MED11: variants seen among roughly 807,000 people sequenced by gnomAD.
The protein encoded by MED11 is mediator complex subunit 11.
In MED11, 19 loss-of-function variants were observed where a neutral mutation model predicts 13.9. The observed-to-expected ratio is 1.36, with a 90% confidence interval of 0.95 to 2.00. The LOEUF is 2.00. MED11 is among the 30% of genes most tolerant of loss of function. MED11 has a pLI of 0.00. For missense variants in MED11, 134 were observed against 150.2 expected (o/e 0.89, Z 0.56); for synonymous variants, 67 against 62.1 (o/e 1.08, Z -0.37).
At position 4,733,302 on chromosome 17, in the gene MED11, AC is replaced by A; in HGVS notation, c.*118del. The A allele has an allele frequency of 7.5e-7, 1 of 1,331,376 alleles. No individual in the cohort carries two copies. 82.5% of individuals were successfully genotyped at this position (1,331,376 alleles called of 1,614,324 possible). On this transcript the variant is annotated 3_prime_UTR_variant, in exon 3 of 3. Coordinates refer to ENST00000293777, the MANE Select transcript of MED11 (RefSeq NM_001001683.4). Reference sequence around the variant, plus strand: ...ACCAACATACCCTGCTGGTCAAAGTACCCTAGGACAAAGGGGCAAATGGTGG... The same window carrying A: ...ACCAACATACCCTGCTGGTCAAAGTACCTAGGACAAAGGGGCAAATGGTGG...
intron 2 of MED11, chr17:4,732,798 G>T (rs769187668): frequency 1.3e-5 from 7 of 525,054 alleles, no homozygotes; most frequent in Non-Finnish European, 2.4e-5. Flanking sequence ...TCGTCGCAGG[G>T]ACCACTACCA....
chr17:4,731,853 T>G lies in MED11; in HGVS notation c.163T>G (p.Ser55Ala). 1 of 1,614,074 alleles carries G rather than the reference T, an allele frequency of 6.2e-7. No individual in the cohort carries two copies. The highest frequency in any genetic ancestry group is 8.5e-7 in the Non-Finnish European group (1 of 1,180,024). Residue 55 changes from serine to alanine, a missense_variant, in exon 2 of 3, where the codon TCA (serine) becomes GCA (alanine). Physicochemically the swap from Ser to Ala is moderately conservative, Grantham distance 99. Transcript: ENST00000293777. ...LDRQAAAFTA[S>A]VQHVEAELSA... ...CCGGCAGGCGGCGGCCTTCACCGCT[T>G]CAGTGCAACACGTGGAGGCGGAGCT... is the stretch of plus-strand genomic sequence containing the variant.
Position 4,733,167 on chromosome 17 carries a change from G to T in MED11, c.334G>T (p.Glu112Ter). The T allele has an allele frequency of 6.2e-7, 1 of 1,614,176 alleles. No homozygotes were observed. The highest frequency in any genetic ancestry group is 1.1e-5 in the South Asian group (1 of 91,060). ...GCTCAGTGATGTGGCTCGAACCTGT[G>T]AGCAGATGCTGGAGAACTAGGCCAG... The part of the protein sequence containing the change: ...LKLSDVARTC[E>*]QMLEN Residue 112 changes from glutamate to a stop codon, truncating the protein, a stop_gained, in exon 3 of 3, where the codon GAG becomes TAG. Transcript: ENST00000293777. LOFTEE classifies it high-confidence loss of function.
intron 2 of MED11, 135 bp from the exon 3 acceptor site, chr17:4,732,915 A>T: frequency 1.0e-6 from 1 of 981,552 alleles, no homozygotes. Flanking sequence ...AGATTAACAT[A>T]AGTTAAATGA....
intron 2 of MED11, 177 bp from the exon 3 acceptor site, chr17:4,732,873 A>G: frequency 1.5e-6 from 1 of 674,534 alleles, no homozygotes; most frequent in Admixed American, 2.9e-5. Flanking sequence ...CAACTCTAGG[A>G]AGTAGTTATT....
intron 2 of MED11, chr17:4,732,463 C>G (rs894698058): frequency 1.3e-5 from 2 of 152,930 alleles, no homozygotes; most frequent in Admixed American, 6.9e-5. Context: ...ACCGGTAACC[C>G]CAGCTACTTG....
At chr17:4,731,719 A>T in intron 1 of MED11, 57 bp from the exon 2 acceptor site, 2 of 1,607,642 alleles carry the variant, frequency 1.2e-6, no homozygotes, top group Non-Finnish European at 1.7e-6. Flanking sequence ...GGGCTGGCCT[A>T]GGGAGAGGCT....
intron 1 of MED11, 42 bp downstream of exon 1, chr17:4,731,616 G>A: frequency 6.2e-7 from 1 of 1,612,888 alleles, no homozygotes; most frequent in Non-Finnish European, 8.5e-7. Context: ...GCGAAAGCGT[G>A]ACCGGGCTGC....
intron 1 of MED11, 68 bp from the exon 2 acceptor site, chr17:4,731,708 G>A (rs1915983729): frequency 1.2e-6 from 2 of 1,606,144 alleles, no homozygotes; most frequent in Non-Finnish European, 1.7e-6. Context: ...GGGACTGAGA[G>A]GGGCTGGCCT....
chr17:4,731,755 G>T, intron 1 of MED11, 21 bp from the exon 2 acceptor site: 1 of 1,611,882 alleles, frequency 6.2e-7, no homozygotes, highest in Non-Finnish European at 8.5e-7. Context: ...GTGTGTCCCC[G>T]CCCTCTCTCC....
Position 4,733,210 on chromosome 17 carries a change from T to C in MED11, c.*23T>C, listed in dbSNP as rs932694148. On this transcript the variant is annotated 3_prime_UTR_variant, in exon 3 of 3. Coordinates refer to ENST00000293777, the MANE Select transcript of MED11 (RefSeq NM_001001683.4). ...TAGGCCAGGGAGATGGACCCAGAGC[T>C]GAGAGGGAGACCATCACCTGTGCCA... is the stretch of plus-strand genomic sequence containing the variant. 1.2e-6 allele frequency: 2 copies of C among 1,613,418 alleles called. No individual in the cohort carries two copies. Among genetic ancestry groups the C allele is most frequent in the African/African-American group, 1.3e-5 (1 of 74,880 alleles).
In MED11 at chr17:4,733,270, T is replaced by G. The variant is rs8123; in HGVS notation, c.*83T>G. On this transcript the variant is annotated 3_prime_UTR_variant, in exon 3 of 3. Coordinates refer to ENST00000293777, the MANE Select transcript of MED11 (RefSeq NM_001001683.4). ...ACCTGGGAACATGTAGGGTGGGGAG[T>G]ATGAGCACCAACATACCCTGCTGGT... 0.23 allele frequency: 350,643 copies of G among 1,536,186 alleles called. 40,850 individuals are homozygous for G. The highest frequency in any genetic ancestry group is 0.3 in the South Asian group (25,778 of 84,522).
In MED11 at chr17:4,733,405, C is replaced by G; in HGVS notation, c.*218C>G. 2.0e-6 allele frequency: 1 copy of G among 511,144 alleles called. No individual in the cohort carries two copies. The highest frequency in any genetic ancestry group is 2.5e-5 in the South Asian group (1 of 39,450). 31.7% of individuals were successfully genotyped at this position (511,144 alleles called of 1,614,324 possible). A position where few individuals can be genotyped will look rare whatever the true frequency, so the allele number is the denominator to read the frequency against. Reference sequence around the variant, plus strand: ...CAGCAGGGTGCTCCTGCTCTGCACTCCAGAAACACCCTGACAGGCTCAGAG... The same window carrying G: ...CAGCAGGGTGCTCCTGCTCTGCACTGCAGAAACACCCTGACAGGCTCAGAG... On this transcript the variant is annotated 3_prime_UTR_variant, in exon 3 of 3. Transcript: ENST00000293777.
chr17:4,733,085 C>G lies in MED11; in HGVS notation c.252C>G (p.Tyr84Ter). 3 of 1,614,208 alleles carry G rather than the reference C, an allele frequency of 1.9e-6. No individual in the cohort carries two copies. In the South Asian group the frequency reaches 3.3e-5, roughly 18 times the overall value. The change falls in exon 3 of 3, where the codon TAC (tyrosine) becomes TAG (stop). Residue 84 changes from tyrosine to a stop codon, truncating the protein, a stop_gained. Transcript: ENST00000293777. LOFTEE classifies it high-confidence loss of function. The stretch of plus-strand genomic sequence containing the variant: ...GGCAGCCCCATGAGGGCTCCAGCTA[C>G]TCTTCGAGGAAGGACTGTCAGATGG... ...ATGQPHEGSS[Y>*]SSRKDCQMAL...
intron 1 of MED11, 52 bp from the exon 2 acceptor site, chr17:4,731,724 G>C (rs754873986): frequency 2.8e-5 from 45 of 1,607,588 alleles, no homozygotes; most frequent in Admixed American, 1.0e-4. Context: ...GGCCTAGGGA[G>C]AGGCTACACT....
chr17:4,732,870 A>G (rs376290330), intron 2 of MED11, 180 bp from the exon 3 acceptor site: 2 of 667,090 alleles, frequency 3.0e-6, no homozygotes, highest in African/African-American at 3.6e-5. Context: ...CAACAACTCT[A>G]GGAAGTAGTT....
At position 4,731,755 on chromosome 17, in the gene MED11, GC is replaced by G. The variant is rs762976377; in HGVS notation, c.86-18del. On this transcript the variant is annotated intron_variant, in intron 1 of 2. Coordinates refer to ENST00000293777, the MANE Select transcript of MED11 (RefSeq NM_001001683.4). Reference sequence around the variant, plus strand: ...ACACTGGCAGTCTCCGTGTGTCCCCGCCCTCTCTCCGCCCTGGCAGGTACTG... The same window carrying G: ...ACACTGGCAGTCTCCGTGTGTCCCCGCCTCTCTCCGCCCTGGCAGGTACTG... 5.0e-6 allele frequency: 8 copies of G among 1,611,882 alleles called. No homozygotes were observed. The highest frequency in any genetic ancestry group is 5.9e-6 in the Non-Finnish European group (7 of 1,178,578).
chr17:4,733,256 TGTAGGGTG>T lies in MED11; in HGVS notation c.*71_*78del, dbSNP rs2150616701. On this transcript the variant is annotated 3_prime_UTR_variant, in exon 3 of 3. Transcript: ENST00000293777. The stretch of plus-strand genomic sequence containing the variant: ...TGCCATGGGACAGAACCTGGGAACA[TGTAGGGTG>T]GGGAGTATGAGCACCAACATACCCT... The T allele has an allele frequency of 1.3e-6, 2 of 1,590,256 alleles. No individual in the cohort carries two copies. Among genetic ancestry groups the T allele is most frequent in the East Asian group, 4.5e-5 (2 of 44,434 alleles).
intron 2 of MED11, chr17:4,732,178 C>T (rs1207438688): frequency 9.5e-6 from 4 of 420,726 alleles, no homozygotes; most frequent in African/African-American, 4.1e-5. Context: ...AATCCCAGCA[C>T]TTTGGGAGGC....
Sources: allele counts gnomAD v4.1 joint callset, GRCh38; gene constraint gnomAD v4.1.1; transcripts MANE v1.5; gene names NCBI Gene and HGNC (gene_info 2026-07-23, HGNC 2026-07-21).